The following MYOM2 variants were observed in gnomAD, a reference collection of about 807,000 sequenced individuals.
MYOM2 encodes the protein myomesin 2.
In MYOM2, 254 loss-of-function variants were observed where a neutral mutation model predicts 187.6. The observed-to-expected ratio is 1.35, with a 90% confidence interval of 1.22 to 1.50. The LOEUF is 1.50. Ranked by LOEUF, MYOM2 falls within the 40% of genes most tolerant of loss-of-function variation. MYOM2 has a pLI of 0.00. For missense variants in MYOM2, 2,796 were observed against 1,924.0 expected (o/e 1.45, Z -8.48); for synonymous variants, 981 against 753.8 (o/e 1.30, Z -4.94).
At chr8:2,050,181 G>C (rs1443046956) in intron 1 of MYOM2, among the ~76,000 whole-genome samples, 1 of 152,078 alleles carries the variant, frequency 6.6e-6, no homozygotes, top group African/African-American at 2.4e-5. Flanking sequence ...AGTCTCCCAT[G>C]ATCCTGGATT....
chr8:2,062,629 C>A (rs1185462088), intron 6 of MYOM2, among the ~76,000 whole-genome samples: 1 of 152,132 alleles, frequency 6.6e-6, no homozygotes, highest in East Asian at 1.9e-4. Context: ...AACTTTCTCT[C>A]CTTGGATTTC....
At chr8:2,072,300 G>T in intron 8 of MYOM2, 45 bp from the exon 9 acceptor site, 1 of 1,551,056 alleles carries the variant, frequency 6.4e-7, no homozygotes, top group Non-Finnish European at 8.7e-7. Flanking sequence ...ATCGTTTCAT[G>T]CTCTCTGCCC....
intron 32 of MYOM2, among the ~76,000 whole-genome samples, chr8:2,136,523 G>A (rs1020573813): frequency 2.7e-4 from 41 of 152,216 alleles, no homozygotes; most frequent in Non-Finnish European, 3.2e-4. Flanking sequence ...CTGTTGTAAA[G>A]AATCTCTCGC....
chr8:2,078,099 C>T (rs530591178), intron 11 of MYOM2, among the ~76,000 whole-genome samples: 1 of 152,304 alleles, frequency 6.6e-6, no homozygotes, highest in African/African-American at 2.4e-5. Flanking sequence ...TTTTTTCTTA[C>T]ATTTTTCAAC....
intron 6 of MYOM2, among the ~76,000 whole-genome samples, chr8:2,059,725 C>G (rs1034318392): frequency 6.6e-6 from 1 of 150,610 alleles, no homozygotes; most frequent in African/African-American, 2.4e-5. Flanking sequence ...TTCTTTTTTC[C>G]TCACGCGACA....
intron 31 of MYOM2, among the ~76,000 whole-genome samples, chr8:2,128,615 G>A (rs1213070181): frequency 6.6e-6 from 1 of 152,036 alleles, no homozygotes. Flanking sequence ...CTCGTTTATT[G>A]CATTTTCTTA....
intron 5 of MYOM2, among the ~76,000 whole-genome samples, chr8:2,058,258 A>G (rs906337246): frequency 7.2e-5 from 11 of 152,022 alleles, no homozygotes; most frequent in African/African-American, 2.7e-4. Context: ...ACCTGAAGTG[A>G]TCCACCTGCC....
Position 2,090,165 on chromosome 8 carries a change from C to A in MYOM2, c.1802C>A (p.Ser601Tyr), listed in dbSNP as rs36089594. ...CTGAGCGAACCTTCGGAGATAACGT[C>A]CCCCATTCAGGCCCAGGATGTGACC... ...HGLSEPSEITSPIQAQDVTVV... is the reference protein window; with the variant it reads ...HGLSEPSEITYPIQAQDVTVV... The change falls in exon 15 of 37, where the codon TCC becomes TAC. Residue 601 changes from serine (S) to tyrosine (Y), a missense_variant. Coordinates refer to ENST00000262113, the MANE Select transcript of MYOM2 (RefSeq NM_003970.4). 3.7e-4 allele frequency: 604 copies of A among 1,613,942 alleles called. 2 individuals are homozygous for A. In the African/African-American group the frequency reaches 7.4e-3, roughly 20 times the overall value.
chr8:2,140,327 A>G (rs55996305), intron 32 of MYOM2, among the ~76,000 whole-genome samples: 118,966 of 151,714 alleles, frequency 0.78, 47,133 homozygotes, highest in African/African-American at 0.91. Flanking sequence ...CGTGAACGAT[A>G]CTACGAAGGA....
At chr8:2,126,742 G>T (rs1797655337) in intron 31 of MYOM2, among the ~76,000 whole-genome samples, 1 of 140,002 alleles carries the variant, frequency 7.1e-6, no homozygotes, top group African/African-American at 2.7e-5. Flanking sequence ...AGAGGCTGGA[G>T]GACCACTGGG....
chr8:2,140,900 T>G lies in MYOM2; in HGVS notation c.3964+14T>G, dbSNP rs774612919. The G allele has an allele frequency of 1.3e-6, 2 of 1,588,786 alleles. No homozygotes were observed. The highest frequency in any genetic ancestry group is 4.5e-5 in the East Asian group (2 of 44,444). ...TGTCCGGACAAGGTAAGAGAATTCT[T>G]CTTTAGCATTTAATAATTTCCTATT... is the stretch of plus-strand genomic sequence containing the variant. On this transcript the variant is annotated intron_variant, in intron 33 of 36. Coordinates refer to ENST00000262113, the MANE Select transcript of MYOM2 (RefSeq NM_003970.4).
rs1418428807 is a variant in MYOM2, at chr8:2,103,946, C to G, written c.2734+1165C>G. Among the ~76,000 whole-genome samples the G allele has an allele frequency of 2.6e-5, 4 of 152,214 alleles. No individual in the cohort carries two copies. The East Asian group carries it at 7.7e-4, about 29-fold the overall frequency. ...GGTGTACGGATAAATGAACGGATGT[C>G]TTGCCGTTATTTTAAAAAGATTTGG... On this transcript the variant is annotated intron_variant, in intron 21 of 36. Coordinates refer to ENST00000262113, the MANE Select transcript of MYOM2 (RefSeq NM_003970.4).
intron 28 of MYOM2, among the ~76,000 whole-genome samples, chr8:2,122,894 T>C (rs1797504877): frequency 6.6e-6 from 1 of 152,190 alleles, no homozygotes; most frequent in African/African-American, 2.4e-5. Flanking sequence ...CCTCAGAATA[T>C]TCTCTATTAT....
At chr8:2,109,349 C>G in intron 24 of MYOM2, 46 bp from the exon 25 acceptor site, 1 of 1,541,340 alleles carries the variant, frequency 6.5e-7, no homozygotes. Context: ...TTCTTCCTCA[C>G]AAGGATTCAT....
chr8:2,063,612 C>T (rs563002942), intron 6 of MYOM2, among the ~76,000 whole-genome samples: 2 of 152,230 alleles, frequency 1.3e-5, no homozygotes, highest in African/African-American at 2.4e-5. Flanking sequence ...TAGGGTGAAA[C>T]GTTTTTTGTA....
At chr8:2,089,720 C>A (rs1420367120) in intron 14 of MYOM2, among the ~76,000 whole-genome samples, 2 of 152,112 alleles carry the variant, frequency 1.3e-5, no homozygotes, top group Non-Finnish European at 2.9e-5. Context: ...AAAACTACTA[C>A]CTATGTATTG....
intron 8 of MYOM2, among the ~76,000 whole-genome samples, chr8:2,070,239 A>T (rs904863928): frequency 1.8e-4 from 27 of 152,202 alleles, no homozygotes; most frequent in Non-Finnish European, 5.9e-5. Context: ...CCAGGAAGGA[A>T]CCGTACATTC....
At chr8:2,129,274 G>T in intron 32 of MYOM2, 42 bp downstream of exon 32, 3 of 1,368,690 alleles carry the variant, frequency 2.2e-6, no homozygotes, top group Non-Finnish European at 3.1e-6. Context: ...CCATAGATGG[G>T]GCTGTCCAGG....
At position 2,106,293 on chromosome 8, in the gene MYOM2, G is replaced by C. The variant is rs149208633; in HGVS notation, c.2786G>C (p.Gly929Ala). 126 of 1,614,040 alleles carry C rather than the reference G, an allele frequency of 7.8e-5. No individual in the cohort carries two copies. The highest frequency in any genetic ancestry group is 1.0e-4 in the Non-Finnish European group (119 of 1,180,050). ...GVDEQGNIYL[G>A]FDCQEMTDAS... ...GATGAACAAGGCAACATCTATCTGG[G>C]CTTCGACTGCCAGGAAATGACAGAC... The change falls in exon 22 of 37, where the codon GGC (glycine) becomes GCC (alanine). Residue 929 changes from glycine to alanine, a missense_variant. Transcript: ENST00000262113.
Sources: gnomAD v4.1 joint callset for allele counts (sites outside exome capture counted in the v4.1 genomes callset) on GRCh38, gnomAD v4.1.1 for gene constraint, MANE v1.5 for transcripts, NCBI Gene and HGNC (gene_info 2026-07-23, HGNC 2026-07-21) for gene names.